The following ECE1 variants were observed in gnomAD, a reference collection of about 807,000 sequenced individuals.
The protein encoded by ECE1 is endothelin-converting enzyme 1.
In ECE1, 35 loss-of-function variants were observed where a neutral mutation model predicts 98.6. That is an observed-to-expected ratio of 0.35 (90% CI 0.27 to 0.47). The LOEUF (loss-of-function observed/expected upper bound fraction) is 0.47. Ranked by LOEUF, ECE1 falls within the 20% of genes least tolerant of loss-of-function variation. ECE1 has a pLI of 1.00. For synonymous variants in ECE1, 394 were observed against 407.1 expected (o/e 0.97, Z 0.39); for missense variants, 814 against 1,025.3 (o/e 0.79, Z 2.81).
intron 1 of ECE1, among the ~76,000 whole-genome samples, chr1:21,325,818 G>A (rs1192375918): frequency 6.6e-6 from 1 of 152,252 alleles, no homozygotes; most frequent in Non-Finnish European, 1.5e-5. Context: ...GAAGCAACGA[G>A]AAGGGGCGGC....
intron 7 of ECE1, 35 bp from the exon 8 acceptor site, chr1:21,256,173 C>T (rs774919984): frequency 2.5e-6 from 4 of 1,571,458 alleles, no homozygotes; most frequent in South Asian, 1.2e-5. Context: ...TCAGTGGCTG[C>T]CCCCCCACTA....
In ECE1 at chr1:21,307,828, T is replaced by C. The variant is rs968463988; in HGVS notation, c.4-17672A>G. Among the ~76,000 whole-genome samples, 9 of 152,052 alleles carry C rather than the reference T, an allele frequency of 5.9e-5. No homozygotes were observed. The highest frequency in any genetic ancestry group is 1.3e-4 in the Admixed American group (2 of 15,264). ...GTGGCCAGGCACAGGAAAGAGGCCC[T>C]GCCCCCTTGAGAGGGAGGCCCTGCC... On this transcript the variant is annotated intron_variant, in intron 1 of 18. Coordinates refer to the ECE1 transcript ENST00000415912. This position sits in a 1 kb window ranked among gnomAD's most constrained non-coding sequence, Gnocchi z 4.2.
chr1:21,269,909 T>C (rs1233922169), intron 4 of ECE1, among the ~76,000 whole-genome samples: 1 of 152,178 alleles, frequency 6.6e-6, no homozygotes, highest in Non-Finnish European at 1.5e-5. Context: ...GTTGAATGCA[T>C]GATTTTGGGT....
intron 4 of ECE1, among the ~76,000 whole-genome samples, chr1:21,270,845 C>T (rs1304450021): frequency 6.6e-6 from 1 of 152,192 alleles, no homozygotes; most frequent in African/African-American, 2.4e-5. Context: ...GTGGCAGAGT[C>T]CAGATTCGAA....
upstream of ECE1, chr1:21,290,607 C>T (rs1406362767): frequency 4.2e-6 from 5 of 1,182,194 alleles, no homozygotes; most frequent in Non-Finnish European, 5.3e-6. The surrounding 1 kb of genome is among the most constrained non-coding windows in gnomAD (Gnocchi z 7.3). Flanking sequence ...CCCCGGAGGT[C>T]GGGAGTGGGG....
chr1:21,310,342 A>C (rs191182173), intron 1 of ECE1, among the ~76,000 whole-genome samples: 115 of 152,294 alleles, frequency 7.6e-4, no homozygotes, highest in Non-Finnish European at 1.1e-3. Context: ...GCCCTAGAGA[A>C]AAAAAACCTT....
chr1:21,279,381 C>T (rs534094709), intron 2 of ECE1, 49 bp from the exon 3 acceptor site: 2 of 1,613,600 alleles, frequency 1.2e-6, no homozygotes, highest in Admixed American at 3.3e-5. Flanking sequence ...GCCCCGGGCC[C>T]CGCTTCCCTT....
In ECE1 at chr1:21,220,046, C is replaced by A. The variant is rs1373536021; in HGVS notation, c.2222G>T (p.Gly741Val). Reference protein sequence around the residue: ...PHSPSRFRVIGSLSNSKEFSE... With the variant: ...PHSPSRFRVIVSLSNSKEFSE... ...GAACTCCTTGGAATTGGAGAGGGAGCCGATGACCCGGAAGCGAGAGGGGCT... is the reference window on the plus strand; with the variant it reads ...GAACTCCTTGGAATTGGAGAGGGAGACGATGACCCGGAAGCGAGAGGGGCT... The change falls in exon 19 of 19, where the codon GGC (glycine) becomes GTC (valine). Residue 741 changes from glycine (G) to valine (V), a missense_variant. Transcript: ENST00000374893. The surrounding 1 kb of genome is among the most constrained non-coding windows in gnomAD (Gnocchi z 5.0). 9 of 1,614,174 alleles carry A rather than the reference C, an allele frequency of 5.6e-6. No individual in the cohort carries two copies. The highest frequency in any genetic ancestry group is 6.8e-6 in the Non-Finnish European group (8 of 1,180,032).
rs28368040 is a variant in ECE1, at chr1:21,225,112, C to T, written c.2040+138G>A. ...GGCATCGCGATTGGTCCTCGCCACC[C>T]CCAATTTCGCAGAAGAGGAAACGGA... On this transcript the variant is annotated intron_variant, in intron 17 of 18. Transcript: ENST00000374893. The surrounding 1 kb of genome is among the most constrained non-coding windows in gnomAD (Gnocchi z 5.3). The T allele has an allele frequency of 1.5e-3, 1,759 of 1,180,192 alleles. 14 individuals are homozygous for T. In the African/African-American group the frequency reaches 0.024, roughly 16 times the overall value. The allele number at this position is 1,180,192 out of a possible 1,614,324, so 73.1% of individuals were successfully genotyped here. A position where few individuals can be genotyped will look rare whatever the true frequency, so the allele number is the denominator to read the frequency against.
chr1:21,255,490 T>C (rs1013271862), intron 8 of ECE1, among the ~76,000 whole-genome samples: 2 of 152,242 alleles, frequency 1.3e-5, no homozygotes, highest in African/African-American at 2.4e-5. Context: ...TGAGCCCATC[T>C]GCGGCTGGCT....
intron 2 of ECE1, chr1:21,279,578 T>C (rs2098251985): frequency 6.9e-7 from 1 of 1,440,644 alleles, no homozygotes; most frequent in Non-Finnish European, 9.1e-7. Context: ...AGGCTTGTTT[T>C]TTTGTGTCAC....
At position 21,282,301 on chromosome 1, in the gene ECE1, A is replaced by G. The variant is rs186807941; in HGVS notation, c.139-2969T>C. Among the ~76,000 whole-genome samples, 43 of 151,610 alleles carry G rather than the reference A, an allele frequency of 2.8e-4. No individual in the cohort carries two copies. The East Asian group carries it at 7.4e-3, about 26-fold the overall frequency. ...CAAGACCCTATCTCAAAAAAGTAAA[A>G]AAGAGGCCAGGCGCAGTGGCTCATG... is the stretch of plus-strand genomic sequence containing the variant. On this transcript the variant is annotated intron_variant, in intron 2 of 18. Coordinates refer to ENST00000374893, the MANE Select transcript of ECE1 (RefSeq NM_001397.3).
At chr1:21,284,739 G>C (rs1172502159) in intron 2 of ECE1, among the ~76,000 whole-genome samples, 1 of 152,238 alleles carries the variant, frequency 6.6e-6, no homozygotes, top group African/African-American at 2.4e-5. Flanking sequence ...GCCGGGAGCA[G>C]AAAGGGTGGG....
At chr1:21,298,066 C>T (rs213053) in intron 1 of ECE1, 16,098 of 152,866 alleles carry the variant, frequency 0.11, 1,114 homozygotes, top group East Asian at 0.39. Context: ...GTTCTAACTC[C>T]TGGGCTCAAG....
Position 21,342,050 on chromosome 1 carries a change from G to A in ECE1, c.3+3326C>T, listed in dbSNP as rs114578654. Among the ~76,000 whole-genome samples, 815 of 152,254 alleles carry A rather than the reference G, an allele frequency of 5.4e-3. 4 individuals carry two copies. The highest frequency in any genetic ancestry group is 8.1e-3 in the Non-Finnish European group (551 of 68,014). ...TTTGTAGGAAAGGGGGCACAGAGCC[G>A]GGGAATGGCTGACCCAAGGTCACAC... is the stretch of plus-strand genomic sequence containing the variant. On this transcript the variant is annotated intron_variant, in intron 1 of 18. Transcript: ENST00000415912.
In ECE1 at chr1:21,345,436, A is replaced by G; in HGVS notation, c.-58T>C. 2.3e-6 allele frequency: 3 copies of G among 1,298,722 alleles called. No homozygotes were observed. The highest frequency in any genetic ancestry group is 2.0e-6 in the Non-Finnish European group (2 of 1,010,656). The allele number at this position is 1,298,722 out of a possible 1,614,324, so 80.4% of individuals were successfully genotyped here. On this transcript the variant is annotated 5_prime_UTR_variant, in exon 1 of 19. Coordinates refer to the ECE1 transcript ENST00000415912. The surrounding 1 kb of genome is among the most constrained non-coding windows in gnomAD (Gnocchi z 5.1). ...TCCCCGCGCCCGGCTCCCGATTCCC[A>G]GCTCCGGGTTCCCTGCTCCCAGCCC...
chr1:21,247,851 G>A (rs763420791), intron 8 of ECE1, among the ~76,000 whole-genome samples: 1 of 152,172 alleles, frequency 6.6e-6, no homozygotes, highest in Non-Finnish European at 1.5e-5. Context: ...CCCTGGGTAA[G>A]TTAATGCATC....
In ECE1 at chr1:21,272,684, ATGCTGGATGCTTACCGAGGAGG is replaced by A; in HGVS notation, c.486_493+14del. The A allele has an allele frequency of 6.2e-7, 1 of 1,614,176 alleles. No homozygotes were observed. Among genetic ancestry groups the A allele is most frequent in the Non-Finnish European group, 8.5e-7 (1 of 1,180,016 alleles). On this transcript the variant is annotated splice_donor_variant and splice_donor_5th_base_variant and coding_sequence_variant and intron_variant, in exon 4 of 19. Transcript: ENST00000374893. LOFTEE classifies it high-confidence loss of function. ...CGCTGTGGCCCATTTATTGGTCTCC[ATGCTGGATGCTTACCGAGGAGG>A]TGCTTGATGATTGCTTGGTTGTGTT...
At chr1:21,335,410 C>G (rs1639289375) in intron 1 of ECE1, among the ~76,000 whole-genome samples, 2 of 152,246 alleles carry the variant, frequency 1.3e-5, no homozygotes, top group Non-Finnish European at 2.9e-5. Flanking sequence ...CATGTGACTG[C>G]TCCATTCTCT....
Sources: allele counts gnomAD v4.1 joint callset (sites outside exome capture counted in the v4.1 genomes callset), GRCh38; gene constraint gnomAD v4.1.1; non-coding constraint Gnocchi (gnomAD v3.1); transcripts MANE v1.5; gene names NCBI Gene and HGNC (gene_info 2026-07-23, HGNC 2026-07-21).